CD38: variants seen among roughly 807,000 people sequenced by gnomAD.
The protein encoded by CD38 is ADP-ribosyl cyclase/cyclic ADP-ribose hydrolase 1.
Under a neutral mutation model 36.3 loss-of-function variants are expected in CD38, and 31 were observed. The observed-to-expected ratio is 0.85, with a 90% confidence interval of 0.64 to 1.15. The LOEUF is 1.15. Among genes scored for constraint, CD38 ranks in the 50% most tolerant of loss-of-function variants. The pLI, the probability that CD38 is intolerant of heterozygous loss-of-function variation, is 0.00. For missense variants in CD38, 380 were observed against 371.9 expected, an observed-to-expected ratio of 1.02 and a Z score of -0.18; for synonymous variants, 131 against 135.2, an observed-to-expected ratio of 0.97 and a Z score of 0.22.
chr4:15,800,949 A>G (rs1422657418), intron 1 of CD38, among the ~76,000 whole-genome samples: 1 of 152,120 alleles, frequency 6.6e-6, no homozygotes, highest in African/African-American at 2.4e-5. Context: ...GTAAATAATA[A>G]AGATCAGAAC....
chr4:15,840,078 C>A lies in CD38; in HGVS notation c.712C>A (p.Leu238Ile). ...HNLQPEKVQT[L>I]EAWVIHGGRE... ...TTTGCAACCAGAGAAGGTTCAGACA[C>A]TAGAGGCCTGGGTGATACATGGTGG... Residue 238 changes from leucine (L) to isoleucine (I), a missense_variant, in exon 6 of 8, where the codon CTA becomes ATA. Transcript: ENST00000226279. 6.2e-7 allele frequency: 1 copy of A among 1,613,356 alleles called. No homozygotes were observed. The highest frequency in any genetic ancestry group is 8.5e-7 in the Non-Finnish European group (1 of 1,179,310).
rs35143834 is a variant in CD38, at chr4:15,835,363, CTTTTTTTTTTTTTTTTTT to C, written c.585+1076_585+1093del. Among the ~76,000 whole-genome samples the C allele has an allele frequency of 5.2e-3, 301 of 57,752 alleles. 3 individuals carry two copies. The highest frequency in any genetic ancestry group is 0.013 in the African/African-American group (280 of 20,786). 37.9% of individuals were successfully genotyped at this position (57,752 alleles called of 152,430 possible). ...CATGTTGCTGCAAATGACAGGAATA[CTTTTTTTTTTTTTTTTTT>C]TTTTTTTTTTTTTTGAGATGGAGTC... On this transcript the variant is annotated intron_variant, in intron 4 of 7. Transcript: ENST00000226279.
chr4:15,815,479 G>A (rs1419502840), intron 1 of CD38, among the ~76,000 whole-genome samples: 1 of 151,996 alleles, frequency 6.6e-6, no homozygotes, highest in Non-Finnish European at 1.5e-5. Flanking sequence ...AGGTCCTTAT[G>A]TCTCTTGTAA....
chr4:15,791,097 G>A (rs1722972489), intron 1 of CD38, among the ~76,000 whole-genome samples: 2 of 125,508 alleles, frequency 1.6e-5, no homozygotes, highest in South Asian at 2.5e-4. Context: ...GAGGTGAGGG[G>A]CTCCTCTGCC....
At chr4:15,788,785 T>C (rs533106412) in intron 1 of CD38, among the ~76,000 whole-genome samples, 13 of 152,354 alleles carry the variant, frequency 8.5e-5, no homozygotes, top group East Asian at 1.9e-4. Flanking sequence ...ACATCAAAGA[T>C]TGATTTACTC....
chr4:15,782,281 G>A (rs913608967), intron 1 of CD38, among the ~76,000 whole-genome samples: 1 of 152,200 alleles, frequency 6.6e-6, no homozygotes, highest in African/African-American at 2.4e-5. Context: ...AGATTCAAAA[G>A]AAGGAGAAAC....
chr4:15,787,638 C>T (rs1722867420), intron 1 of CD38, among the ~76,000 whole-genome samples: 1 of 152,204 alleles, frequency 6.6e-6, no homozygotes, highest in African/African-American at 2.4e-5. Context: ...CGGCAGAATG[C>T]CACGTCCTCT....
Position 15,849,749 on chromosome 4 carries a change from T to C in CD38, c.*1147T>C, listed in dbSNP as rs752844078. On this transcript the variant is annotated 3_prime_UTR_variant, in exon 8 of 8. Coordinates refer to ENST00000226279, the MANE Select transcript of CD38 (RefSeq NM_001775.4). ...GCTCTTCTCTTTAGCATTGGAAACA[T>C]AGAAATGCTTTCTGATTTCTTTGGG... 7 of 152,340 alleles carry C rather than the reference T, an allele frequency of 4.6e-5. No homozygotes were observed. Among genetic ancestry groups the C allele is most frequent in the African/African-American group, 7.2e-5 (3 of 41,572 alleles). The allele number at this position is 152,340 out of a possible 1,614,324, so 9.4% of individuals were successfully genotyped here.
intron 1 of CD38, among the ~76,000 whole-genome samples, chr4:15,780,530 A>ACACACACACACACACACACACACG (rs1560303818): frequency 1.1e-3 from 39 of 36,958 alleles, no homozygotes; most frequent in South Asian, 3.9e-3. Flanking sequence ...ACACACACAC[A>ACACACACACACACACACACACACG]CACACACACA....
chr4:15,831,507 C>T (rs1195779631), intron 3 of CD38, among the ~76,000 whole-genome samples: 1 of 152,108 alleles, frequency 6.6e-6, no homozygotes, highest in African/African-American at 2.4e-5. Context: ...CTGGAAAAGT[C>T]TGTGTTTCTC....
At chr4:15,839,686 T>C (rs1430620660) in intron 5 of CD38, among the ~76,000 whole-genome samples, 6 of 152,014 alleles carry the variant, frequency 3.9e-5, no homozygotes, top group African/African-American at 1.4e-4. Flanking sequence ...GCCTCCCAAA[T>C]TGCTGGGATT....
intron 2 of CD38, 110 bp downstream of exon 2, chr4:15,816,750 A>G (rs746053615): frequency 3.4e-6 from 4 of 1,169,068 alleles, no homozygotes; most frequent in Non-Finnish European, 5.1e-6. Flanking sequence ...TCCAGACATT[A>G]TAGTGTGAGT....
At chr4:15,802,697 C>G (rs1577642625) in intron 1 of CD38, among the ~76,000 whole-genome samples, 1 of 152,036 alleles carries the variant, frequency 6.6e-6, no homozygotes, top group African/African-American at 2.4e-5. Context: ...GCTAGAATTA[C>G]AGACATGCAC....
intron 4 of CD38, among the ~76,000 whole-genome samples, chr4:15,835,015 C>T (rs1225285597): frequency 1.3e-5 from 2 of 152,092 alleles, no homozygotes; most frequent in Non-Finnish European, 2.9e-5. Context: ...TCATCTCGAA[C>T]ATTTATCATT....
In CD38 at chr4:15,849,298, C is replaced by G. The variant is rs1724336114; in HGVS notation, c.*696C>G. The G allele has an allele frequency of 6.6e-6, 1 of 152,134 alleles. No individual in the cohort carries two copies. Among genetic ancestry groups the G allele is most frequent in the Non-Finnish European group, 1.5e-5 (1 of 68,026 alleles). 9.4% of individuals were successfully genotyped at this position (152,134 alleles called of 1,614,324 possible). ...AAACCACAATTATTTTTGAACCAAC[C>G]TAATAATTTACCGTAAGTCCTACAT... On this transcript the variant is annotated 3_prime_UTR_variant, in exon 8 of 8. Coordinates refer to ENST00000226279, the MANE Select transcript of CD38 (RefSeq NM_001775.4).
Position 15,778,625 on chromosome 4 carries a change from A to G in CD38, c.211A>G (p.Thr71Ala), listed in dbSNP as rs368295543. Residue 71 changes from threonine (T) to alanine (A), a missense_variant, in exon 1 of 8, where the codon ACT becomes GCT. By Grantham distance (58) the Thr-to-Ala change is moderately conservative. Transcript: ENST00000226279. This position sits in a 1 kb window ranked among gnomAD's most constrained non-coding sequence, Gnocchi z 4.9. ...ETVLARCVKY[T>A]EIHPEMRHVD... ...CGTCCTGGCGCGATGCGTCAAGTAC[A>G]CTGAAATTCATCCTGAGATGAGGTG... The G allele has an allele frequency of 1.9e-6, 3 of 1,612,802 alleles. No homozygotes were observed. The African/African-American group carries it at 4.0e-5, about 22-fold the overall frequency.
chr4:15,794,140 G>T (rs9968421), intron 1 of CD38, among the ~76,000 whole-genome samples: 4,772 of 152,290 alleles, frequency 0.031, 274 homozygotes, highest in African/African-American at 0.11. Context: ...ATGTCCTGCT[G>T]TCTTCTGCCC....
chr4:15,827,844 TTTC>T (rs1419029061), intron 3 of CD38, among the ~76,000 whole-genome samples: 54 of 152,302 alleles, frequency 3.5e-4, no homozygotes, highest in Middle Eastern at 3.4e-3. Context: ...CAATTTTTAA[TTTC>T]TTCTTATTTT....
chr4:15,848,066 C>G (rs1334882998), intron 7 of CD38, among the ~76,000 whole-genome samples: 1 of 152,216 alleles, frequency 6.6e-6, no homozygotes, highest in African/African-American at 2.4e-5. Flanking sequence ...TTAAAGAACC[C>G]CATTCCTCGC....
Sources: gnomAD v4.1 joint callset for allele counts (sites outside exome capture counted in the v4.1 genomes callset) on GRCh38, gnomAD v4.1.1 for gene constraint, Gnocchi (gnomAD v3.1) non-coding constraint, MANE v1.5 for transcripts, NCBI Gene and HGNC (gene_info 2026-07-23, HGNC 2026-07-21) for gene names.